The following TECPR2 variants were observed in gnomAD, a reference collection of about 807,000 sequenced individuals.
TECPR2 encodes the protein tectonin beta-propeller repeat-containing protein 2.
A neutral mutation model predicts 138.1 loss-of-function variants in TECPR2; 65 were observed. The ratio of observed to expected loss-of-function variants is 0.47; its 90% CI spans 0.39 to 0.58. The LOEUF (loss-of-function observed/expected upper bound fraction) is 0.58, where lower values mean the gene tolerates loss of function less well. TECPR2 is among the 20% of genes least tolerant of loss of function. The pLI is 0.00. For missense variants in TECPR2, 1,553 were observed against 1,824.5 expected (o/e 0.85, Z 2.71); for synonymous variants, 746 against 749.8 (o/e 0.99, Z 0.08).
At chr14:102,424,226 C>T (rs1412812186) in intron 5 of TECPR2, among the ~76,000 whole-genome samples, 1 of 152,156 alleles carries the variant, frequency 6.6e-6, no homozygotes, top group East Asian at 1.9e-4. Context: ...TGTAGCACAA[C>T]GGTAAGTAAT....
intron 17 of TECPR2, among the ~76,000 whole-genome samples, chr14:102,478,649 A>C (rs531763303): frequency 7.1e-6 from 1 of 141,798 alleles, no homozygotes; most frequent in East Asian, 2.0e-4. Flanking sequence ...ACCCTGTCTC[A>C]AAAAAAAAAA....
At chr14:102,408,669 A>G in intron 4 of TECPR2, 50 bp downstream of exon 4, 2 of 1,536,878 alleles carry the variant, frequency 1.3e-6, no homozygotes, top group Non-Finnish European at 1.8e-6. Context: ...TTACATTTGG[A>G]AAAACTATAT....
intron 3 of TECPR2, among the ~76,000 whole-genome samples, chr14:102,407,953 C>T (rs993832185): frequency 3.3e-5 from 5 of 150,190 alleles, no homozygotes; most frequent in East Asian, 3.9e-4. Flanking sequence ...GCGGAGATCA[C>T]GCCACTGCAC....
chr14:102,391,510 A>G (rs938652624), intron 2 of TECPR2, among the ~76,000 whole-genome samples: 3 of 152,160 alleles, frequency 2.0e-5, no homozygotes, highest in African/African-American at 7.2e-5. Flanking sequence ...GGTGCTGTTA[A>G]TGGTCCCTTT....
intron 17 of TECPR2, among the ~76,000 whole-genome samples, chr14:102,477,695 C>T (rs1402300961): frequency 4.1e-4 from 59 of 143,472 alleles, no homozygotes; most frequent in South Asian, 6.9e-4. Flanking sequence ...GGACTACAGG[C>T]GCCCGCCACC....
intron 13 of TECPR2, 145 bp from the exon 14 acceptor site, chr14:102,449,484 C>T (rs540461841): frequency 7.2e-5 from 95 of 1,328,182 alleles, no homozygotes; most frequent in Non-Finnish European, 9.5e-5. Context: ...TTCACAAGCG[C>T]ACACGTGCAC....
intron 17 of TECPR2, among the ~76,000 whole-genome samples, chr14:102,484,901 G>C (rs1027534695): frequency 1.3e-5 from 2 of 151,968 alleles, no homozygotes; most frequent in South Asian, 2.1e-4. Context: ...CAGGTGATCC[G>C]GTCTGCCTCG....
chr14:102,407,505 C>T (rs1240157215), intron 3 of TECPR2, 39 bp downstream of exon 3: 2 of 1,553,702 alleles, frequency 1.3e-6, no homozygotes, highest in Admixed American at 2.0e-5. Context: ...AACTTCTTGG[C>T]ACATTCCTCA....
intron 17 of TECPR2, among the ~76,000 whole-genome samples, chr14:102,468,340 G>T (rs143524638): frequency 6.6e-6 from 1 of 151,454 alleles, no homozygotes; most frequent in Non-Finnish European, 1.5e-5. Context: ...GGCATGCACC[G>T]CCATGCCTGG....
rs10145957 is a variant in TECPR2, at chr14:102,463,850, G to C, written c.3641-1291G>C. Among the ~76,000 whole-genome samples, 697 of 152,302 alleles carry C rather than the reference G, an allele frequency of 4.6e-3. 8 individuals carry two copies. Among genetic ancestry groups the C allele is most frequent in the African/African-American group, 0.016 (646 of 41,562 alleles). On this transcript the variant is annotated intron_variant, in intron 16 of 19. Transcript: ENST00000359520. ...GAGGCACGAGAATCACTTGAACCCA[G>C]GAGGCAGAGGTTGCAGTGAGCCAAG...
At chr14:102,478,526 C>T (rs1174873324) in intron 17 of TECPR2, among the ~76,000 whole-genome samples, 2 of 151,108 alleles carry the variant, frequency 1.3e-5, no homozygotes, top group South Asian at 2.1e-4. Context: ...ATGAAAAATA[C>T]AAAAGTTAGC....
chr14:102,498,271 G>C lies in TECPR2; in HGVS notation c.*14G>C. 6.3e-7 allele frequency: 1 copy of C among 1,594,902 alleles called. No individual in the cohort carries two copies. Among genetic ancestry groups the C allele is most frequent in the Non-Finnish European group, 8.5e-7 (1 of 1,178,060 alleles). ...GAGGTCATCTGAAGGAGCCCTGGCCGAGTCACGCGGAGGGGCCCGGCGTCT... is the reference window on the plus strand; with the variant it reads ...GAGGTCATCTGAAGGAGCCCTGGCCCAGTCACGCGGAGGGGCCCGGCGTCT... On this transcript the variant is annotated 3_prime_UTR_variant, in exon 20 of 20. Coordinates refer to ENST00000359520, the MANE Select transcript of TECPR2 (RefSeq NM_014844.5).
intron 3 of TECPR2, among the ~76,000 whole-genome samples, chr14:102,407,793 A>G (rs1460413045): frequency 6.6e-6 from 1 of 152,090 alleles, no homozygotes; most frequent in Admixed American, 6.6e-5. Flanking sequence ...TCAGGAGATC[A>G]AGACCATCCT....
chr14:102,391,466 A>G (rs1196387048), intron 2 of TECPR2, among the ~76,000 whole-genome samples: 1 of 152,178 alleles, frequency 6.6e-6, no homozygotes, highest in Admixed American at 6.5e-5. Flanking sequence ...GGGGTGGGGT[A>G]TGTAGTCAGG....
intron 17 of TECPR2, among the ~76,000 whole-genome samples, chr14:102,487,171 G>T (rs1017754845): frequency 1.3e-5 from 2 of 152,210 alleles, no homozygotes; most frequent in Non-Finnish European, 2.9e-5. Context: ...AGCACAAATG[G>T]CCGCCTGGAT....
At chr14:102,465,776 G>A (rs971736534) in intron 17 of TECPR2, 26 of 422,480 alleles carry the variant, frequency 6.2e-5, no homozygotes, top group African/African-American at 2.2e-4. Flanking sequence ...TCAGCTGACC[G>A]TGCATCCCAA....
chr14:102,436,046 A>C (rs1889661796), intron 9 of TECPR2, among the ~76,000 whole-genome samples: 1 of 152,220 alleles, frequency 6.6e-6, no homozygotes, highest in Non-Finnish European at 1.5e-5. Context: ...CACCATGTGC[A>C]GGTATCCCAC....
Position 102,499,539 on chromosome 14 carries a change from G to A in TECPR2, c.*1282G>A, listed in dbSNP as rs1891389025. 1 of 404,376 alleles carries A rather than the reference G, an allele frequency of 2.5e-6. No homozygotes were observed. Among genetic ancestry groups the A allele is most frequent in the South Asian group, 2.6e-5 (1 of 38,158 alleles). The allele number at this position is 404,376 out of a possible 1,614,324, so 25.0% of individuals were successfully genotyped here. On this transcript the variant is annotated 3_prime_UTR_variant, in exon 20 of 20. Transcript: ENST00000359520. ...CACGGGACCTGCGGGCTGGCTCCGA[G>A]TGGCAGCCCATGCCTTCTGCGGGGT...
intron 17 of TECPR2, among the ~76,000 whole-genome samples, chr14:102,469,214 G>A (rs1011095024): frequency 6.6e-6 from 1 of 152,162 alleles, no homozygotes; most frequent in African/African-American, 2.4e-5. Flanking sequence ...GTGAACATGG[G>A]ATGTCTTCCC....
Sources: allele counts gnomAD v4.1 joint callset (sites outside exome capture counted in the v4.1 genomes callset), GRCh38; gene constraint gnomAD v4.1.1; transcripts MANE v1.5; gene names NCBI Gene and HGNC (gene_info 2026-07-23, HGNC 2026-07-21).